The following ELOVL6 variants were observed in gnomAD, a reference collection of about 807,000 sequenced individuals.
ELOVL6 encodes the protein very long chain fatty acid elongase 6.
Under a neutral mutation model 31.7 loss-of-function variants are expected in ELOVL6, and 8 were observed. That is an observed-to-expected ratio of 0.25 (90% CI 0.15 to 0.45). ELOVL6 has a LOEUF of 0.45. ELOVL6 is among the 20% of genes least tolerant of loss of function. The pLI, the probability that ELOVL6 is intolerant of heterozygous loss-of-function variation, is 1.00. For synonymous variants in ELOVL6, 101 were observed against 117.7 expected (o/e 0.86, Z 0.92); for missense variants, 126 against 326.4 (o/e 0.39, Z 4.73).
chr4:110,175,087 C>G (rs964245466), intron 1 of ELOVL6, among the ~76,000 whole-genome samples: 4 of 151,340 alleles, frequency 2.6e-5, no homozygotes, highest in Non-Finnish European at 5.9e-5. Context: ...CATATACAAT[C>G]AAGACATAAG....
chr4:110,090,581 T>A lies in ELOVL6; in HGVS notation c.221+14916A>T, dbSNP rs1056403660. ...ACAAGAGGTAGGCCTTCCAGGAACT[T>A]ACAGGAAAGTTTGACTTTCTTTTTT... is the stretch of plus-strand genomic sequence containing the variant. On this transcript the variant is annotated intron_variant, in intron 2 of 3. Coordinates refer to ENST00000302274, the MANE Select transcript of ELOVL6 (RefSeq NM_024090.3). 3.4e-5 allele frequency among the ~76,000 whole-genome samples: 5 copies of A among 147,754 alleles called. No homozygotes were observed. The East Asian group carries it at 6.1e-4, about 18-fold the overall frequency.
chr4:110,090,029 CT>C (rs1560818731), intron 2 of ELOVL6, among the ~76,000 whole-genome samples: 1 of 152,110 alleles, frequency 6.6e-6, no homozygotes, highest in Non-Finnish European at 1.5e-5. Flanking sequence ...CTCTCTGAGC[CT>C]AGGTTTTCTC....
chr4:110,134,359 A>C (rs765151506), intron 1 of ELOVL6, among the ~76,000 whole-genome samples: 1 of 152,196 alleles, frequency 6.6e-6, no homozygotes, highest in Non-Finnish European at 1.5e-5. Flanking sequence ...CACCAATTTA[A>C]GCATGGTTTG....
At chr4:110,197,657 A>G (rs1449433748) in intron 1 of ELOVL6, among the ~76,000 whole-genome samples, 2 of 152,030 alleles carry the variant, frequency 1.3e-5, no homozygotes, top group Non-Finnish European at 2.9e-5. Flanking sequence ...CGCGTGGGGA[A>G]AGGGGTACTA....
chr4:110,198,129 G>A, intron 1 of ELOVL6, 118 bp downstream of exon 1: 9 of 708,890 alleles, frequency 1.3e-5, no homozygotes, highest in South Asian at 8.4e-5. Context: ...TCAGCGATCA[G>A]CTGGCTGCCC....
intron 1 of ELOVL6, among the ~76,000 whole-genome samples, chr4:110,126,040 A>G (rs1007532211): frequency 3.9e-5 from 6 of 152,050 alleles, no homozygotes; most frequent in Admixed American, 6.6e-5. Context: ...TAAAAACAAA[A>G]ACTGTCCAAT....
At chr4:110,148,085 G>A (rs1158927116) in intron 1 of ELOVL6, among the ~76,000 whole-genome samples, 2 of 145,906 alleles carry the variant, frequency 1.4e-5, no homozygotes, top group African/African-American at 5.2e-5. Flanking sequence ...GTCCAACCTG[G>A]GCAACAAGAG....
intron 2 of ELOVL6, among the ~76,000 whole-genome samples, chr4:110,070,863 G>A (rs573555782): frequency 1.3e-5 from 2 of 151,876 alleles, no homozygotes; most frequent in South Asian, 4.2e-4. Flanking sequence ...CGGAACTGTT[G>A]AGTCAATTAA....
At chr4:110,084,143 T>TAC (rs1756052624) in intron 2 of ELOVL6, among the ~76,000 whole-genome samples, 1 of 102,022 alleles carries the variant, frequency 9.8e-6, no homozygotes, top group African/African-American at 5.3e-5. Context: ...TAATGATATA[T>TAC]ATGATATATA....
chr4:110,189,613 AAGAG>A (rs759305516), intron 1 of ELOVL6, among the ~76,000 whole-genome samples: 1,151 of 105,234 alleles, frequency 0.011, 89 homozygotes, highest in East Asian at 0.028. Flanking sequence ...AAAAAAAAAA[AAGAG>A]AGAGAGAGAG....
chr4:110,180,019 C>CA (rs1465703573), intron 1 of ELOVL6, among the ~76,000 whole-genome samples: 3 of 152,224 alleles, frequency 2.0e-5, no homozygotes, highest in Non-Finnish European at 4.4e-5. Flanking sequence ...GAAGAAATAT[C>CA]AGCCATAAAA....
chr4:110,077,558 G>T (rs1396034572), intron 2 of ELOVL6, among the ~76,000 whole-genome samples: 1 of 152,064 alleles, frequency 6.6e-6, no homozygotes, highest in Non-Finnish European at 1.5e-5. Context: ...CTAACAAACA[G>T]AAAGGACATC....
intron 1 of ELOVL6, among the ~76,000 whole-genome samples, chr4:110,168,493 TG>T (rs1381804518): frequency 6.6e-6 from 1 of 151,196 alleles, no homozygotes; most frequent in East Asian, 1.9e-4. Context: ...TACTCCAGCC[TG>T]GGCGACAGAG....
chr4:110,161,621 T>C lies in ELOVL6; in HGVS notation c.89+36626A>G, dbSNP rs1467089487. Reference sequence around the variant, plus strand: ...GTGTTGGCAATTTCACGGTTTAAAATGGCTCCCAAGCTTACTGCTATCTCA... The same window carrying C: ...GTGTTGGCAATTTCACGGTTTAAAACGGCTCCCAAGCTTACTGCTATCTCA... On this transcript the variant is annotated intron_variant, in intron 1 of 3. Coordinates refer to ENST00000302274, the MANE Select transcript of ELOVL6 (RefSeq NM_024090.3). 3.3e-5 allele frequency among the ~76,000 whole-genome samples: 5 copies of C among 152,180 alleles called. No individual in the cohort carries two copies. The East Asian group carries it at 9.6e-4, about 29-fold the overall frequency.
At chr4:110,083,249 C>T (rs1408743767) in intron 2 of ELOVL6, among the ~76,000 whole-genome samples, 2 of 151,486 alleles carry the variant, frequency 1.3e-5, no homozygotes, top group East Asian at 1.9e-4. Flanking sequence ...ATAACAAAAC[C>T]AGGTAAAGTG....
intron 1 of ELOVL6, among the ~76,000 whole-genome samples, chr4:110,115,249 T>C (rs928460435): frequency 3.9e-5 from 6 of 152,184 alleles, no homozygotes; most frequent in Non-Finnish European, 7.4e-5. Context: ...GCAGTGACGA[T>C]GATCTCATGG....
chr4:110,097,941 G>A (rs767552579), intron 2 of ELOVL6, among the ~76,000 whole-genome samples: 1 of 152,154 alleles, frequency 6.6e-6, no homozygotes, highest in Non-Finnish European at 1.5e-5. Flanking sequence ...CACCAAAATA[G>A]GAGGCTAAGG....
At chr4:110,059,829 A>T in intron 2 of ELOVL6, 75 bp from the exon 3 acceptor site, 3 of 1,384,898 alleles carry the variant, frequency 2.2e-6, no homozygotes, top group Non-Finnish European at 3.0e-6. Flanking sequence ...TACTTAGAAG[A>T]CTGGTTGGCC....
In ELOVL6 at chr4:110,084,042, ACACAT is replaced by A. The variant is rs1560813669; in HGVS notation, c.221+21450_221+21454del. Among the ~76,000 whole-genome samples, 8 of 13,090 alleles carry A rather than the reference ACACAT, an allele frequency of 6.1e-4. 1 individual carries two copies. The highest frequency in any genetic ancestry group is 5.6e-3 in the East Asian group (2 of 354). The allele number at this position is 13,090 out of a possible 152,430, so 8.6% of individuals were successfully genotyped here. A position where few individuals can be genotyped will look rare whatever the true frequency, so the allele number is the denominator to read the frequency against. ...TAACATATGCCATATATGGTATATA[ACACAT>A]GCTATATATGATATATAACATATAT... On this transcript the variant is annotated intron_variant, in intron 2 of 3. Coordinates refer to ENST00000302274, the MANE Select transcript of ELOVL6 (RefSeq NM_024090.3).
Sources: gnomAD v4.1 joint callset for allele counts (sites outside exome capture counted in the v4.1 genomes callset) on GRCh38, gnomAD v4.1.1 for gene constraint, MANE v1.5 for transcripts, NCBI Gene and HGNC (gene_info 2026-07-23, HGNC 2026-07-21) for gene names.